Variants in GRID2 observed in about 807,000 individuals in gnomAD.
GRID2 encodes glutamate receptor ionotropic, delta-2.
Under a neutral mutation model 114.8 loss-of-function variants are expected in GRID2, and 33 were observed. The ratio of observed to expected loss-of-function variants is 0.29; its 90% confidence interval spans 0.22 to 0.38. GRID2 has a LOEUF of 0.38. GRID2 is among the 10% of genes least tolerant of loss of function. The probability of loss-of-function intolerance (pLI) is 1.00; values close to 1 mark genes in which losing one functional copy is unlikely to be tolerated. For synonymous variants in GRID2, 505 were observed against 449.9 expected (o/e 1.12, Z -1.55); for missense variants, 1,184 against 1,257.7 (o/e 0.94, Z 0.89).
chr4:93,088,128 C>A (rs1412882393), intron 3 of GRID2, among the ~76,000 whole-genome samples: 1 of 151,960 alleles, frequency 6.6e-6, no homozygotes, highest in South Asian at 2.1e-4. Flanking sequence ...GAGAAACCTC[C>A]TTTTCAAAAG....
chr4:93,425,078 A>C (rs979124748), intron 10 of GRID2, among the ~76,000 whole-genome samples: 1 of 152,230 alleles, frequency 6.6e-6, no homozygotes, highest in South Asian at 2.1e-4. Flanking sequence ...TCTTTTCTTA[A>C]AAGTTCATGA....
intron 2 of GRID2, among the ~76,000 whole-genome samples, chr4:92,687,860 C>G (rs572131585): frequency 2.0e-5 from 3 of 151,670 alleles, no homozygotes; most frequent in Middle Eastern, 3.4e-3. Flanking sequence ...TAAAAAAAGG[C>G]TAATGATCAT....
At chr4:92,554,466 C>A (rs1726754150) in intron 1 of GRID2, among the ~76,000 whole-genome samples, 1 of 152,044 alleles carries the variant, frequency 6.6e-6, no homozygotes, top group Admixed American at 6.6e-5. Context: ...AATGTAAAAA[C>A]AATTTGATAA....
intron 2 of GRID2, among the ~76,000 whole-genome samples, chr4:92,901,290 T>C (rs1243548478): frequency 6.6e-6 from 1 of 152,190 alleles, no homozygotes; most frequent in Non-Finnish European, 1.5e-5. Context: ...AAGATGGCTA[T>C]CTTGTGGTTT....
At chr4:92,379,708 A>G (rs1229322367) in intron 1 of GRID2, among the ~76,000 whole-genome samples, 1 of 151,952 alleles carries the variant, frequency 6.6e-6, no homozygotes, top group Non-Finnish European at 1.5e-5. Flanking sequence ...GAGTTAACAA[A>G]TCTTTATTAA....
chr4:92,669,308 G>T (rs1422464081), intron 2 of GRID2, among the ~76,000 whole-genome samples: 1 of 151,792 alleles, frequency 6.6e-6, no homozygotes, highest in African/African-American at 2.4e-5. Flanking sequence ...AGACAGGGTA[G>T]GTATGTAACT....
At chr4:93,063,038 A>C (rs1211328995) in intron 2 of GRID2, among the ~76,000 whole-genome samples, 1 of 151,930 alleles carries the variant, frequency 6.6e-6, no homozygotes, top group Non-Finnish European at 1.5e-5. Context: ...AATTGTAGTG[A>C]GATGGCTGCA....
At chr4:92,636,313 T>C (rs1303389365) in intron 2 of GRID2, among the ~76,000 whole-genome samples, 2 of 151,978 alleles carry the variant, frequency 1.3e-5, no homozygotes, top group Admixed American at 6.6e-5. Flanking sequence ...TTGGCTTCTC[T>C]GCAAAAGAAC....
intron 8 of GRID2, among the ~76,000 whole-genome samples, chr4:93,310,530 A>AAAAAT (rs112535382): frequency 0.017 from 2,526 of 152,118 alleles, 73 homozygotes; most frequent in African/African-American, 0.058. Context: ...ACTCCATCTC[A>AAAAAT]AAAATAAAAT....
At chr4:92,878,004 A>G (rs1049677066) in intron 2 of GRID2, among the ~76,000 whole-genome samples, 1 of 152,188 alleles carries the variant, frequency 6.6e-6, no homozygotes, top group Non-Finnish European at 1.5e-5. Flanking sequence ...TTTGCTACAA[A>G]TACTCAATTT....
intron 7 of GRID2, among the ~76,000 whole-genome samples, chr4:93,225,825 G>A (rs1335536396): frequency 1.3e-5 from 2 of 152,228 alleles, no homozygotes; most frequent in East Asian, 3.9e-4. Context: ...TATAAAAAAT[G>A]GAAGTTTTTT....
At chr4:92,686,292 T>C (rs539838697) in intron 2 of GRID2, among the ~76,000 whole-genome samples, 1 of 151,956 alleles carries the variant, frequency 6.6e-6, no homozygotes, top group Admixed American at 6.6e-5. Context: ...CCTTCAGGAA[T>C]ATATCTTAAT....
intron 1 of GRID2, among the ~76,000 whole-genome samples, chr4:92,435,008 G>C (rs1026963767): frequency 6.6e-6 from 1 of 152,090 alleles, no homozygotes; most frequent in Non-Finnish European, 1.5e-5. Context: ...AAATAGAGTA[G>C]GAAAATGCAT....
At chr4:93,389,435 T>C (rs762763351) in intron 8 of GRID2, among the ~76,000 whole-genome samples, 28 of 152,162 alleles carry the variant, frequency 1.8e-4, no homozygotes, top group Non-Finnish European at 3.8e-4. Flanking sequence ...ACACGGTGTC[T>C]AGTTGGAAAC....
intron 1 of GRID2, among the ~76,000 whole-genome samples, chr4:92,318,591 T>C (rs1404240853): frequency 6.9e-6 from 1 of 145,004 alleles, no homozygotes; most frequent in African/African-American, 2.6e-5. Context: ...CATGGCTTAC[T>C]GCAGTCTTGA....
At chr4:92,867,807 A>G (rs1238747614) in intron 2 of GRID2, among the ~76,000 whole-genome samples, 1 of 152,180 alleles carries the variant, frequency 6.6e-6, no homozygotes, top group Non-Finnish European at 1.5e-5. Context: ...ATGTACAGCT[A>G]TTCAAATGTG....
chr4:93,296,083 G>A (rs995049814), intron 8 of GRID2, among the ~76,000 whole-genome samples: 1 of 152,196 alleles, frequency 6.6e-6, no homozygotes, highest in Non-Finnish European at 1.5e-5. Flanking sequence ...TAATACTGGG[G>A]TTTCACTAGG....
At chr4:93,241,802 T>TAA (rs78539388) in intron 8 of GRID2, among the ~76,000 whole-genome samples, 1,326 of 130,912 alleles carry the variant, frequency 0.01, 22 homozygotes, top group African/African-American at 0.034. Flanking sequence ...AGTAGAAAAG[T>TAA]AAAAAAAAAA....
At chr4:93,116,282 A>T (rs1022006129) in intron 4 of GRID2, among the ~76,000 whole-genome samples, 2 of 152,136 alleles carry the variant, frequency 1.3e-5, no homozygotes, top group Non-Finnish European at 2.9e-5. Flanking sequence ...ATTTACTTTT[A>T]TATTGAGTGT....
Sources: allele counts gnomAD v4.1 joint callset (sites outside exome capture counted in the v4.1 genomes callset), GRCh38; gene constraint gnomAD v4.1.1; transcripts MANE v1.5; gene names NCBI Gene and HGNC (gene_info 2026-07-23, HGNC 2026-07-21).